Variants in ATP11B observed in about 807,000 individuals in gnomAD.
ATP11B encodes ATPase phospholipid transporting 11B (putative), also known as phospholipid-transporting ATPase IF.
ATP11B carries 81 observed loss-of-function variants against 157.8 expected under a neutral mutation model. The observed-to-expected ratio is 0.51, with a 90% CI of 0.43 to 0.62. The LOEUF (loss-of-function observed/expected upper bound fraction) is 0.62. Ranked by LOEUF, ATP11B falls within the 20% of genes least tolerant of loss-of-function variation. The pLI is 0.00. For synonymous variants in ATP11B, 451 were observed against 469.4 expected, an observed-to-expected ratio of 0.96 and a Z score of 0.51; for missense variants, 1,165 against 1,402.2, an observed-to-expected ratio of 0.83 and a Z score of 2.70.
intron 7 of ATP11B, among the ~76,000 whole-genome samples, chr3:182,837,629 C>A (rs748131381): frequency 6.6e-6 from 1 of 151,896 alleles, no homozygotes; most frequent in Non-Finnish European, 1.5e-5. Context: ...TTTACTTACA[C>A]GCACATAATA....
intron 25 of ATP11B, among the ~76,000 whole-genome samples, chr3:182,896,458 C>G: frequency 6.6e-6 from 1 of 152,188 alleles, no homozygotes; most frequent in Non-Finnish European, 1.5e-5. Flanking sequence ...CCATTCTAAA[C>G]CCATCTTTGG....
intron 4 of ATP11B, among the ~76,000 whole-genome samples, chr3:182,831,843 G>A (rs141521561): frequency 1.4e-4 from 21 of 151,452 alleles, no homozygotes; most frequent in African/African-American, 4.6e-4. Context: ...TAGTTTATCC[G>A]TCACTTTCAT....
intron 2 of ATP11B, among the ~76,000 whole-genome samples, chr3:182,824,950 A>C (rs1425736980): frequency 6.6e-6 from 1 of 152,228 alleles, no homozygotes; most frequent in Non-Finnish European, 1.5e-5. Context: ...GGTAGAATTC[A>C]TATCTTTGAC....
intron 10 of ATP11B, among the ~76,000 whole-genome samples, chr3:182,850,078 G>A (rs1216834440): frequency 6.6e-6 from 1 of 152,192 alleles, no homozygotes; most frequent in Non-Finnish European, 1.5e-5. Context: ...AACAACGGAG[G>A]ACATTGGGGA....
intron 28 of ATP11B, chr3:182,908,621 A>C (rs1385565953): frequency 6.6e-6 from 1 of 152,192 alleles, no homozygotes; most frequent in East Asian, 1.9e-4. Context: ...AGGAGAGAGG[A>C]AAGGGAGTTT....
In ATP11B at chr3:182,865,707, T is replaced by A; in HGVS notation, c.1443+9T>A. On this transcript the variant is annotated intron_variant, in intron 13 of 29. Transcript: ENST00000323116. ...AAAATGAAACTGAACTAGTAAGTAATTTTTAAATTAATAAATAAGGGTTTC... is the reference window on the plus strand; with the variant it reads ...AAAATGAAACTGAACTAGTAAGTAAATTTTAAATTAATAAATAAGGGTTTC... 6.3e-7 allele frequency: 1 copy of A among 1,589,114 alleles called. No individual in the cohort carries two copies. Among genetic ancestry groups the A allele is most frequent in the Non-Finnish European group, 8.6e-7 (1 of 1,169,040 alleles).
At chr3:182,814,246 G>A (rs1389262139) in intron 1 of ATP11B, among the ~76,000 whole-genome samples, 3 of 151,746 alleles carry the variant, frequency 2.0e-5, no homozygotes, top group South Asian at 2.1e-4. Context: ...TGTATTTTTA[G>A]TAAAGATGGG....
intron 19 of ATP11B, 60 bp from the exon 20 acceptor site, chr3:182,879,436 G>A (rs1194260552): frequency 9.4e-5 from 133 of 1,417,444 alleles, no homozygotes; most frequent in Non-Finnish European, 1.2e-4. Flanking sequence ...TGTTCTATAT[G>A]AGTGTAAATA....
In ATP11B at chr3:182,836,459, A is replaced by G; in HGVS notation, c.541A>G (p.Thr181Ala). 6.2e-7 allele frequency: 1 copy of G among 1,613,964 alleles called. No individual in the cohort carries two copies. The highest frequency in any genetic ancestry group is 8.5e-7 in the Non-Finnish European group (1 of 1,179,852). The change falls in exon 6 of 30, where the codon ACT becomes GCT. Residue 181 changes from threonine to alanine, a missense_variant. By Grantham distance (58) the Thr-to-Ala change is moderately conservative. Around this residue, in one of 4 missense-constraint regions of ATP11B, gnomAD observed 737 missense variants for 930.5 expected, o/e 0.79. Transcript: ENST00000323116. ...HVTTASLDGETNLKTHVAVPE... is the reference protein window; with the variant it reads ...HVTTASLDGEANLKTHVAVPE... Reference sequence around the variant, plus strand: ...TACAACTGCTAGTTTGGACGGAGAAACTAACCTGAAGGTTTGCTTGCATAT... The same window carrying G: ...TACAACTGCTAGTTTGGACGGAGAAGCTAACCTGAAGGTTTGCTTGCATAT...
At chr3:182,854,537 A>G (rs1486922647) in intron 10 of ATP11B, among the ~76,000 whole-genome samples, 1 of 152,214 alleles carries the variant, frequency 6.6e-6, no homozygotes, top group East Asian at 1.9e-4. Flanking sequence ...AGATATCTTT[A>G]TGACTTAGAG....
intron 1 of ATP11B, among the ~76,000 whole-genome samples, chr3:182,805,275 C>T (rs1716256979): frequency 6.6e-6 from 1 of 152,150 alleles, no homozygotes; most frequent in African/African-American, 2.4e-5. Flanking sequence ...TCTTCATATC[C>T]TTGCCAACAC....
chr3:182,900,419 A>T (rs1350000108), intron 28 of ATP11B, among the ~76,000 whole-genome samples: 2 of 152,188 alleles, frequency 1.3e-5, no homozygotes, highest in African/African-American at 4.8e-5. Context: ...AAGTAAAATG[A>T]GGTTGAGAAT....
chr3:182,822,910 TGTC>T (rs1439594641), intron 2 of ATP11B, among the ~76,000 whole-genome samples: 1 of 152,274 alleles, frequency 6.6e-6, no homozygotes, highest in Non-Finnish European at 1.5e-5. Context: ...GCTGCATAAA[TGTC>T]TTCTTTGGAG....
At chr3:182,902,383 C>A in intron 28 of ATP11B, 1 of 523,010 alleles carries the variant, frequency 1.9e-6, no homozygotes, top group Admixed American at 2.7e-5. Flanking sequence ...CGTGTAGGAA[C>A]AGATGTATTT....
At chr3:182,916,144 G>T in intron 29 of ATP11B, 5 of 985,298 alleles carry the variant, frequency 5.1e-6, no homozygotes, top group Non-Finnish European at 6.0e-6. Flanking sequence ...AACTTGCAAA[G>T]TCATTTTGAT....
chr3:182,911,898 C>T (rs776899403), intron 28 of ATP11B, among the ~76,000 whole-genome samples: 3 of 152,146 alleles, frequency 2.0e-5, no homozygotes, highest in Admixed American at 1.3e-4. Flanking sequence ...TTAAGCTGAA[C>T]GCTGATGTAG....
At chr3:182,851,165 G>A (rs941411711) in intron 10 of ATP11B, among the ~76,000 whole-genome samples, 3 of 152,080 alleles carry the variant, frequency 2.0e-5, no homozygotes, top group South Asian at 2.1e-4. Context: ...GGTAGTGTGC[G>A]CCTGTAGTCC....
intron 1 of ATP11B, among the ~76,000 whole-genome samples, chr3:182,803,924 C>G (rs140589347): frequency 1.1e-4 from 17 of 152,292 alleles, no homozygotes; most frequent in African/African-American, 2.4e-4. Context: ...AAATAATGCT[C>G]TGTCTTAATT....
intron 19 of ATP11B, 110 bp downstream of exon 19, chr3:182,874,125 T>TAAAA: frequency 1.1e-6 from 1 of 887,336 alleles, no homozygotes. Flanking sequence ...GCCTATCAGC[T>TAAAA]AAAAGTAGTT....
Sources: gnomAD v4.1 joint callset for allele counts (sites outside exome capture counted in the v4.1 genomes callset) on GRCh38, gnomAD v4.1.1 for gene constraint, gnomAD v4.1.1 regional missense constraint, MANE v1.5 for transcripts, NCBI Gene and HGNC (gene_info 2026-07-23, HGNC 2026-07-21) for gene names.